Variants in NRG1 observed in about 807,000 individuals in gnomAD.
The protein encoded by NRG1 is pro-neuregulin-1, membrane-bound isoform.
NRG1 carries 18 observed loss-of-function variants against 63.8 expected under a neutral mutation model. The observed-to-expected ratio is 0.28, with a 90% CI of 0.19 to 0.42. The LOEUF is 0.42. Ranked by LOEUF, NRG1 falls within the 10% of genes least tolerant of loss-of-function variation. NRG1 has a pLI of 1.00. For missense variants in NRG1, 762 were observed against 814.7 expected (o/e 0.94, Z 0.79); for synonymous variants, 302 against 301.3 (o/e 1.00, Z -0.02).
At chr8:32,563,872 A>G (rs545565396) in intron 1 of NRG1, among the ~76,000 whole-genome samples, 16 of 152,276 alleles carry the variant, frequency 1.1e-4, no homozygotes, top group African/African-American at 3.8e-4. Context: ...TTGATTTATG[A>G]CACCATATCT....
At chr8:32,337,732 G>A (rs1803505088) in intron 1 of NRG1, among the ~76,000 whole-genome samples, 1 of 134,604 alleles carries the variant, frequency 7.4e-6, no homozygotes, top group Non-Finnish European at 1.5e-5. Flanking sequence ...AAAACACATT[G>A]CTTCTTACAT....
chr8:32,071,157 A>C (rs1025865399), intron 1 of NRG1, among the ~76,000 whole-genome samples: 1 of 152,040 alleles, frequency 6.6e-6, no homozygotes, highest in South Asian at 2.1e-4. Flanking sequence ...GCTTATTTAC[A>C]TGTTTTCTCT....
At chr8:32,510,170 A>G (rs979539147) in intron 1 of NRG1, among the ~76,000 whole-genome samples, 2 of 151,146 alleles carry the variant, frequency 1.3e-5, no homozygotes. Context: ...AGAAAGAGAG[A>G]CAGAAAGAAA....
chr8:32,664,350 G>A (rs763393114), intron 5 of NRG1, among the ~76,000 whole-genome samples: 2 of 151,984 alleles, frequency 1.3e-5, no homozygotes, highest in African/African-American at 4.8e-5. Context: ...GAGAATCAGA[G>A]GCATCTTCAT....
At chr8:32,188,273 GCCAGGCTTGTC>G (rs1485369035) in intron 1 of NRG1, among the ~76,000 whole-genome samples, 1 of 152,092 alleles carries the variant, frequency 6.6e-6, no homozygotes, top group Non-Finnish European at 1.5e-5. Flanking sequence ...CACCATGGTG[GCCAGGCTTGTC>G]TCAAACTCCT....
At chr8:31,726,413 G>A (rs746272519) in intron 1 of NRG1, among the ~76,000 whole-genome samples, 1 of 152,064 alleles carries the variant, frequency 6.6e-6, no homozygotes, top group African/African-American at 2.4e-5. Context: ...TCTTTTAATA[G>A]TAATAAAAAC....
At chr8:32,461,880 A>G (rs989907728) in intron 1 of NRG1, among the ~76,000 whole-genome samples, 1 of 152,176 alleles carries the variant, frequency 6.6e-6, no homozygotes, top group African/African-American at 2.4e-5. Context: ...TAACTAAATG[A>G]AACCACAGTT....
intron 1 of NRG1, among the ~76,000 whole-genome samples, chr8:31,955,829 G>C (rs1265523787): frequency 6.6e-6 from 1 of 151,746 alleles, no homozygotes; most frequent in Non-Finnish European, 1.5e-5. Flanking sequence ...TTGAGCCCAG[G>C]AGTTCGAGAC....
At chr8:32,400,701 AGTTCAGCC>A (rs911005139) in intron 1 of NRG1, among the ~76,000 whole-genome samples, 2 of 152,256 alleles carry the variant, frequency 1.3e-5, no homozygotes, top group Admixed American at 6.5e-5. Flanking sequence ...ACTGTAAATC[AGTTCAGCC>A]GTTCTGGAAA....
chr8:32,335,860 C>T (rs1176669628), intron 1 of NRG1, among the ~76,000 whole-genome samples: 1 of 152,112 alleles, frequency 6.6e-6, no homozygotes, highest in Non-Finnish European at 1.5e-5. Flanking sequence ...ACACACACAG[C>T]CAGGTCATGT....
chr8:32,089,042 G>T (rs771341134), intron 1 of NRG1, among the ~76,000 whole-genome samples: 2 of 152,150 alleles, frequency 1.3e-5, no homozygotes, highest in African/African-American at 2.4e-5. Flanking sequence ...CAAAATGTTT[G>T]TGTATTTCTG....
rs1264591954 is a variant in NRG1 at position 31,759,515 on chromosome 8, G to A, written c.37+120084G>A. Among the ~76,000 whole-genome samples, 3 of 151,936 alleles carry A rather than the reference G, an allele frequency of 2.0e-5. No homozygotes were observed. The East Asian group carries it at 5.8e-4, about 29-fold the overall frequency. On this transcript the variant is annotated intron_variant, in intron 1 of 10. Transcript: ENST00000519301. ...TTTCTCTCCACATTTAATTGCACTG[G>A]TGCCTTTTACAAAAGCCATAAGTCA...
rs1188289716 is a variant in NRG1 at position 32,370,739 on chromosome 8, T to TC, written c.38-225086dup. On this transcript the variant is annotated intron_variant, in intron 1 of 10. Transcript: ENST00000519301. ...CAGGCATGGTGGCAGGTGCCTGTAA[T>TC]CCCAGCTACTTGGGAGGCTGAGACA... Among the ~76,000 whole-genome samples the TC allele has an allele frequency of 4.7e-5, 7 of 147,890 alleles. No individual in the cohort carries two copies. The East Asian group carries it at 1.4e-3, about 30-fold the overall frequency.
rs535077303 is a variant in NRG1, at chr8:31,803,394, C to T, written c.37+163963C>T. Among the ~76,000 whole-genome samples the T allele has an allele frequency of 3.3e-5, 5 of 152,216 alleles. No individual in the cohort carries two copies. The East Asian group carries it at 9.7e-4, about 30-fold the overall frequency. On this transcript the variant is annotated intron_variant, in intron 1 of 10. Transcript: ENST00000519301. The stretch of plus-strand genomic sequence containing the variant: ...ACCGACAGAGAGCTGGTAGTGGAAT[C>T]CCTGTTTTCTATTCACCTTCCTACT...
At chr8:32,237,955 A>T (rs1847733990) in intron 1 of NRG1, among the ~76,000 whole-genome samples, 1 of 152,150 alleles carries the variant, frequency 6.6e-6, no homozygotes, top group Non-Finnish European at 1.5e-5. Context: ...ATCTAGGCAA[A>T]TATCCATGGA....
intron 5 of NRG1, among the ~76,000 whole-genome samples, chr8:32,699,346 G>A (rs1172528479): frequency 6.6e-6 from 1 of 152,148 alleles, no homozygotes; most frequent in Non-Finnish European, 1.5e-5. Flanking sequence ...TGGCTGTAGT[G>A]GCACAAAAAT....
At chr8:32,614,674 C>G in intron 4 of NRG1, 110 bp downstream of exon 4, 2 of 946,606 alleles carry the variant, frequency 2.1e-6, no homozygotes, top group Non-Finnish European at 3.3e-6. Flanking sequence ...CTCAGCTGCT[C>G]TTGTTTTCTG....
intron 1 of NRG1, among the ~76,000 whole-genome samples, chr8:32,415,725 A>T (rs1353490452): frequency 6.6e-6 from 1 of 151,432 alleles, no homozygotes; most frequent in Admixed American, 6.6e-5. Context: ...TCCCCCTTTA[A>T]CTCTCTTTGT....
chr8:32,740,820 T>A (rs1207085928), intron 6 of NRG1, among the ~76,000 whole-genome samples: 1 of 152,186 alleles, frequency 6.6e-6, no homozygotes, highest in Non-Finnish European at 1.5e-5. Flanking sequence ...TGTTCATATC[T>A]CTTTGATGCC....
Sources: gnomAD v4.1 joint callset for allele counts (sites outside exome capture counted in the v4.1 genomes callset) on GRCh38, gnomAD v4.1.1 for gene constraint, MANE v1.5 for transcripts, NCBI Gene and HGNC (gene_info 2026-07-23, HGNC 2026-07-21) for gene names.